Variants in DCDC1 observed in about 807,000 individuals in gnomAD.
DCDC1 encodes doublecortin domain-containing protein 1.
Under a neutral mutation model 178.3 loss-of-function variants are expected in DCDC1, and 200 were observed. That is an observed-to-expected ratio of 1.12 (90% CI 1.00 to 1.26). The LOEUF (loss-of-function observed/expected upper bound fraction) is 1.26, where lower values mean the gene tolerates loss of function less well. Among genes scored for constraint, DCDC1 ranks in the 50% most tolerant of loss-of-function variants. DCDC1 has a pLI of 0.00. For missense variants in DCDC1, 1,983 were observed against 1,749.2 expected, an observed-to-expected ratio of 1.13 and a Z score of -2.38; for synonymous variants, 690 against 604.8, an observed-to-expected ratio of 1.14 and a Z score of -2.07.
At chr11:31,231,628 C>A (rs982543264) in intron 9 of DCDC1, among the ~76,000 whole-genome samples, 1 of 152,064 alleles carries the variant, frequency 6.6e-6, no homozygotes, top group African/African-American at 2.4e-5. Context: ...TCTTTGTATA[C>A]CTTCAGGGGA....
intron 9 of DCDC1, among the ~76,000 whole-genome samples, chr11:31,232,575 T>C (rs1975918296): frequency 6.6e-6 from 1 of 152,196 alleles, no homozygotes; most frequent in Non-Finnish European, 1.5e-5. Flanking sequence ...TTCATGCCAC[T>C]GCCTATCTCA....
Position 31,123,863 on chromosome 11 carries a change from G to C in DCDC1, c.1485+3606C>G, listed in dbSNP as rs952782525. On this transcript the variant is annotated intron_variant, in intron 11 of 38. Coordinates refer to ENST00000684477, the MANE Select transcript of DCDC1 (RefSeq NM_001387274.1). ...TAGTGCTAAAATAAGGAAAGTCCTG[G>C]GAAACCACTAGAAAAATATTCTTTT... Among the ~76,000 whole-genome samples the C allele has an allele frequency of 3.3e-5, 5 of 151,934 alleles. No homozygotes were observed. In the East Asian group the frequency reaches 9.7e-4, roughly 29 times the overall value.
At chr11:31,026,014 G>A (rs1953208392) in intron 20 of DCDC1, among the ~76,000 whole-genome samples, 1 of 151,790 alleles carries the variant, frequency 6.6e-6, no homozygotes, top group South Asian at 2.1e-4. Flanking sequence ...AATGCAGAAA[G>A]TGCCAGGTTT....
intron 20 of DCDC1, among the ~76,000 whole-genome samples, chr11:31,000,864 G>GA (rs1185040145): frequency 2.0e-5 from 3 of 151,332 alleles, no homozygotes; most frequent in African/African-American, 7.3e-5. Context: ...GTTAGAAAAA[G>GA]AAAAAAAAGT....
At chr11:31,283,292 G>T (rs1946578797) in intron 7 of DCDC1, among the ~76,000 whole-genome samples, 1 of 151,770 alleles carries the variant, frequency 6.6e-6, no homozygotes, top group South Asian at 2.1e-4. Flanking sequence ...CTGCAGTTTG[G>T]ATAGCTTCAT....
At chr11:31,105,384 T>C (rs985258375) in intron 13 of DCDC1, among the ~76,000 whole-genome samples, 5 of 151,932 alleles carry the variant, frequency 3.3e-5, no homozygotes, top group African/African-American at 1.2e-4. Flanking sequence ...TGCTGTATTA[T>C]AGCAAACATC....
intron 31 of DCDC1, 137 bp downstream of exon 31, chr11:30,904,824 T>C (rs1944944709): frequency 3.2e-6 from 3 of 943,032 alleles, no homozygotes; most frequent in Non-Finnish European, 4.8e-6. Flanking sequence ...TAAACAGAGA[T>C]CTTCATCTCA....
intron 10 of DCDC1, among the ~76,000 whole-genome samples, chr11:31,130,488 C>T (rs1962291376): frequency 6.6e-6 from 1 of 152,096 alleles, no homozygotes; most frequent in African/African-American, 2.4e-5. Flanking sequence ...GAAACTGCTC[C>T]TTCAAGCCGT....
At chr11:30,914,895 T>C (rs1009237316) in intron 27 of DCDC1, among the ~76,000 whole-genome samples, 2 of 152,206 alleles carry the variant, frequency 1.3e-5, no homozygotes, top group Non-Finnish European at 2.9e-5. Context: ...TTAATAGGAC[T>C]TCCTTAATGT....
At chr11:31,232,900 C>A (rs1379696184) in intron 9 of DCDC1, among the ~76,000 whole-genome samples, 2 of 151,970 alleles carry the variant, frequency 1.3e-5, no homozygotes, top group Non-Finnish European at 2.9e-5. Flanking sequence ...ACCAGCCTGG[C>A]CAATATGGTG....
chr11:30,938,748 C>G (rs1464404247), intron 21 of DCDC1, among the ~76,000 whole-genome samples: 1 of 152,134 alleles, frequency 6.6e-6, no homozygotes, highest in Non-Finnish European at 1.5e-5. Flanking sequence ...AACAGCAATA[C>G]TTTATCATTT....
At position 31,307,922 on chromosome 11, in the gene DCDC1, T is replaced by C; in HGVS notation, c.165-14A>G. ...GACATAAACTCTCTGGAAGAAACAA[T>C]GCATGGAAGAATACAATTAATTGAT... On this transcript the variant is annotated splice_polypyrimidine_tract_variant and intron_variant, in intron 3 of 38. Coordinates refer to ENST00000684477, the MANE Select transcript of DCDC1 (RefSeq NM_001387274.1). The C allele has an allele frequency of 1.9e-6, 3 of 1,612,972 alleles. No individual in the cohort carries two copies. Among genetic ancestry groups the C allele is most frequent in the Middle Eastern group, 3.3e-4 (2 of 6,056 alleles).
At chr11:31,245,263 G>A (rs1943471277) in intron 8 of DCDC1, among the ~76,000 whole-genome samples, 1 of 149,118 alleles carries the variant, frequency 6.7e-6, no homozygotes. Context: ...TCATCCCCCA[G>A]TAAATCCTAA....
intron 1 of DCDC1, among the ~76,000 whole-genome samples, chr11:31,343,177 C>T (rs919306537): frequency 1.3e-5 from 2 of 151,962 alleles, no homozygotes; most frequent in African/African-American, 4.8e-5. Context: ...TAGACTGAGG[C>T]GAGAGGATCA....
chr11:31,027,271 T>C (rs1017793323), intron 20 of DCDC1, among the ~76,000 whole-genome samples: 13 of 151,868 alleles, frequency 8.6e-5, no homozygotes, highest in South Asian at 2.1e-4. Context: ...AGTCAAATGA[T>C]ATCTCTTCAT....
chr11:31,151,755 T>C (rs1965192141), intron 9 of DCDC1, among the ~76,000 whole-genome samples: 1 of 152,202 alleles, frequency 6.6e-6, no homozygotes, highest in Admixed American at 6.5e-5. Flanking sequence ...AGCTTGCTTA[T>C]TTTGCATAGC....
At chr11:31,100,731 A>T (rs980653634) in intron 15 of DCDC1, among the ~76,000 whole-genome samples, 5 of 152,222 alleles carry the variant, frequency 3.3e-5, no homozygotes, top group Non-Finnish European at 1.5e-5. Context: ...GCGGAGGTAG[A>T]TTAGAGGAGA....
chr11:30,943,577 CTTACCT>C (rs1237873359), intron 21 of DCDC1: 1 of 416,258 alleles, frequency 2.4e-6, no homozygotes, highest in Admixed American at 2.8e-5. Context: ...TCCATTGCTC[CTTACCT>C]TTAAGTGTTT....
intron 2 of DCDC1, among the ~76,000 whole-genome samples, chr11:31,332,397 T>A (rs1165659902): frequency 6.6e-6 from 1 of 152,212 alleles, no homozygotes; most frequent in Non-Finnish European, 1.5e-5. Flanking sequence ...GCTCTGATCT[T>A]AGTTATTTCT....
Sources: allele counts gnomAD v4.1 joint callset (sites outside exome capture counted in the v4.1 genomes callset), GRCh38; gene constraint gnomAD v4.1.1; transcripts MANE v1.5; gene names NCBI Gene and HGNC (gene_info 2026-07-23, HGNC 2026-07-21).